Variants in TRPM3 observed in about 807,000 individuals in gnomAD.
TRPM3 encodes the protein long transient receptor potential channel 3.
A neutral mutation model predicts 181.2 loss-of-function variants in TRPM3; 77 were observed. The observed-to-expected ratio is 0.42, with a 90% CI of 0.35 to 0.51. TRPM3 has a LOEUF of 0.51. Among genes scored for constraint, TRPM3 ranks in the 20% least tolerant of loss-of-function variants. The pLI, the probability that TRPM3 is intolerant of heterozygous loss-of-function variation, is 0.01. For missense variants in TRPM3, 1,759 were observed against 2,196.7 expected (o/e 0.80, Z 3.98); for synonymous variants, 745 against 796.4 (o/e 0.94, Z 1.09).
intron 1 of TRPM3, among the ~76,000 whole-genome samples, chr9:71,132,248 T>A (rs2074417583): frequency 6.6e-6 from 1 of 152,232 alleles, no homozygotes; most frequent in Non-Finnish European, 1.5e-5. Context: ...TTCCCCAAGA[T>A]CTGAGTCTCG....
chr9:71,056,261 C>A (rs2060641907), intron 1 of TRPM3, among the ~76,000 whole-genome samples: 1 of 152,022 alleles, frequency 6.6e-6, no homozygotes, highest in Admixed American at 6.6e-5. Flanking sequence ...AATTAACACA[C>A]CAATCACAGT....
chr9:70,811,376 T>C (rs1186067013), intron 6 of TRPM3: 1 of 715,246 alleles, frequency 1.4e-6, no homozygotes, highest in Non-Finnish European at 2.4e-6. Flanking sequence ...GTGAAACCTA[T>C]GTAGAGCATC....
chr9:71,341,802 G>C (rs1238978475), intron 1 of TRPM3, among the ~76,000 whole-genome samples: 6 of 151,812 alleles, frequency 4.0e-5, no homozygotes, highest in Non-Finnish European at 8.8e-5. Context: ...TAACTTAAAG[G>C]GAAGTGGAGA....
chr9:71,241,385 C>T (rs1314582065), intron 1 of TRPM3, among the ~76,000 whole-genome samples: 1 of 151,636 alleles, frequency 6.6e-6, no homozygotes, highest in Non-Finnish European at 1.5e-5. Flanking sequence ...TCTCAGCAAA[C>T]TATCGCAAGG....
At chr9:71,432,323 C>CTTTTTTTTTTTTTTTTTTTTTTTT (rs67905820) in intron 1 of TRPM3, among the ~76,000 whole-genome samples, 1 of 76,620 alleles carries the variant, frequency 1.3e-5, no homozygotes, top group Non-Finnish European at 2.6e-5. Flanking sequence ...AAAAGTAGGA[C>CTTTTTTTTTTTTTTTTTTTTTTTT]TTTTTTTTTT....
intron 1 of TRPM3, among the ~76,000 whole-genome samples, chr9:71,208,923 C>G (rs1165075781): frequency 1.3e-5 from 2 of 152,172 alleles, no homozygotes; most frequent in Non-Finnish European, 2.9e-5. Context: ...TAAAACATCT[C>G]CAGCTGCACG....
Position 70,608,132 on chromosome 9 carries a change from G to A in TRPM3, c.2667+2477C>T, listed in dbSNP as rs118153345. ...CCAGCTGTTTCTGTACCTCACTTCC[G>A]TTTTCTGTATGCCACTTCCCTTTTT... is the stretch of plus-strand genomic sequence containing the variant. On this transcript the variant is annotated intron_variant, in intron 19 of 25. Coordinates refer to ENST00000677713, the MANE Select transcript of TRPM3 (RefSeq NM_001366145.2). 2.7e-3 allele frequency among the ~76,000 whole-genome samples: 404 copies of A among 152,260 alleles called. 2 individuals are homozygous for A. Among genetic ancestry groups the A allele is most frequent in the Middle Eastern group, 3.4e-3 (1 of 294 alleles).
chr9:70,857,034 T>A (rs939745991), intron 3 of TRPM3, among the ~76,000 whole-genome samples: 29 of 152,212 alleles, frequency 1.9e-4, no homozygotes, highest in African/African-American at 6.8e-4. Context: ...GATGGGTCCA[T>A]CTTCTTGTTG....
intron 21 of TRPM3, among the ~76,000 whole-genome samples, chr9:70,597,777 T>C (rs1278566223): frequency 6.6e-6 from 1 of 152,232 alleles, no homozygotes; most frequent in East Asian, 1.9e-4. Context: ...CATTTTCCAG[T>C]AGTGTAACAA....
chr9:70,942,363 T>C (rs1424332608), intron 1 of TRPM3, among the ~76,000 whole-genome samples: 2 of 152,058 alleles, frequency 1.3e-5, no homozygotes, highest in Non-Finnish European at 2.9e-5. Context: ...TATAAACATA[T>C]CTAGGCCAAA....
At chr9:71,056,059 T>A (rs1027248127) in intron 1 of TRPM3, among the ~76,000 whole-genome samples, 2 of 152,050 alleles carry the variant, frequency 1.3e-5, no homozygotes, top group African/African-American at 4.8e-5. Flanking sequence ...ATTTTACACA[T>A]GAATGGACTA....
At chr9:71,123,798 T>C (rs1369453734), upstream of TRPM3, among the ~76,000 whole-genome samples, 1 of 152,168 alleles carries the variant, frequency 6.6e-6, no homozygotes, top group Non-Finnish European at 1.5e-5. Flanking sequence ...AGCTTTTAAA[T>C]GAACGCCCTT....
chr9:70,810,136 T>C (rs2091696718), intron 6 of TRPM3: 1 of 526,694 alleles, frequency 1.9e-6, no homozygotes. Context: ...CACCCTCCTT[T>C]CCATCACCCT....
chr9:70,939,996 A>G (rs2096869833), intron 1 of TRPM3, among the ~76,000 whole-genome samples: 1 of 152,180 alleles, frequency 6.6e-6, no homozygotes. Context: ...ATGTCTCCAT[A>G]TTTAAAACAA....
intron 19 of TRPM3, 52 bp from the exon 20 acceptor site, chr9:70,603,522 G>C: frequency 6.2e-7 from 1 of 1,603,932 alleles, no homozygotes; most frequent in Non-Finnish European, 8.5e-7. Flanking sequence ...AGGAGCCCCA[G>C]CATCAGCCAA....
At chr9:70,863,871 C>G (rs1268735434) in intron 2 of TRPM3, among the ~76,000 whole-genome samples, 1 of 152,010 alleles carries the variant, frequency 6.6e-6, no homozygotes, top group Non-Finnish European at 1.5e-5. Context: ...CTCTAAGACT[C>G]TGTAGTCTAT....
At chr9:71,021,561 A>G (rs539697821) in intron 1 of TRPM3, among the ~76,000 whole-genome samples, 2 of 152,340 alleles carry the variant, frequency 1.3e-5, no homozygotes, top group South Asian at 4.1e-4. Flanking sequence ...CAATTTTAAA[A>G]ATCTAGTAAT....
chr9:71,230,844 T>C (rs867428943), intron 1 of TRPM3, among the ~76,000 whole-genome samples: 1 of 152,320 alleles, frequency 6.6e-6, no homozygotes, highest in South Asian at 2.1e-4. Flanking sequence ...TGCTGTTCTG[T>C]AGAGTCCAAG....
At chr9:70,859,819 T>C (rs76617767) in intron 3 of TRPM3, among the ~76,000 whole-genome samples, 2 of 152,178 alleles carry the variant, frequency 1.3e-5, no homozygotes, top group Non-Finnish European at 2.9e-5. Flanking sequence ...GGTGTAACAG[T>C]GTCTCACTTA....
Sources: gnomAD v4.1 joint callset for allele counts (sites outside exome capture counted in the v4.1 genomes callset) on GRCh38, gnomAD v4.1.1 for gene constraint, MANE v1.5 for transcripts, NCBI Gene and HGNC (gene_info 2026-07-23, HGNC 2026-07-21) for gene names.